The following ZMIZ1 variants were observed in gnomAD, a reference collection of about 807,000 sequenced individuals.
ZMIZ1 encodes the protein zinc finger MIZ-type containing 1, also known as zinc finger MIZ domain-containing protein 1.
In ZMIZ1, 17 loss-of-function variants were observed where a neutral mutation model predicts 113.9. The observed-to-expected ratio is 0.15, with a 90% CI of 0.10 to 0.22. The LOEUF (loss-of-function observed/expected upper bound fraction) is 0.22, where lower values mean the gene tolerates loss of function less well. Among genes scored for constraint, ZMIZ1 ranks in the 10% least tolerant of loss-of-function variants. The probability of loss-of-function intolerance (pLI) is 1.00; values close to 1 mark genes in which losing one functional copy is unlikely to be tolerated. For missense variants in ZMIZ1, 1,059 were observed against 1,477.8 expected, an observed-to-expected ratio of 0.72 and a Z score of 4.65; for synonymous variants, 607 against 603.1, an observed-to-expected ratio of 1.01 and a Z score of -0.09.
At chr10:79,243,746 CG>C in intron 7 of ZMIZ1, 1 of 263,366 alleles carries the variant, frequency 3.8e-6, no homozygotes, top group Non-Finnish European at 7.6e-6. Flanking sequence ...TAGGTAAGTG[CG>C]GGGTCGGAGG....
rs1842157482 is a variant in ZMIZ1 at position 79,069,109 on chromosome 10, G to C, written c.-498G>C. On this transcript the variant is annotated 5_prime_UTR_variant, in exon 1 of 25. Coordinates refer to ENST00000334512, the MANE Select transcript of ZMIZ1 (RefSeq NM_020338.4). This position sits in a 1 kb window ranked among gnomAD's most constrained non-coding sequence, Gnocchi z 4.6. ...TCGGGCGGCCGAGCGAGCGAGCAAC[G>C]CCGGCGCAGCGCGGTGACCCCAGCC... 6.6e-6 allele frequency: 1 copy of C among 150,444 alleles called. No individual in the cohort carries two copies. The highest frequency in any genetic ancestry group is 1.5e-5 in the Non-Finnish European group (1 of 67,242). The allele number at this position is 150,444 out of a possible 1,614,324, so 9.3% of individuals were successfully genotyped here.
intron 11 of ZMIZ1, chr10:79,292,902 G>T: frequency 2.2e-6 from 1 of 462,784 alleles, no homozygotes; most frequent in Non-Finnish European, 4.3e-6. Context: ...GGGCAGAAGT[G>T]GAAGCTGGGC....
chr10:79,069,217 C>T lies in ZMIZ1; in HGVS notation c.-390C>T, dbSNP rs76908738. ...CCTCCCGGCCCGAGCCTGCCCTACC[C>T]GGCGGTGGCGGCGGCGCGTCCTCCA... On this transcript the variant is annotated 5_prime_UTR_variant, in exon 1 of 25. Transcript: ENST00000334512. The surrounding 1 kb of genome is among the most constrained non-coding windows in gnomAD (Gnocchi z 4.6). 0.068 allele frequency: 10,240 copies of T among 150,308 alleles called. 673 individuals are homozygous for T. Among genetic ancestry groups the T allele is most frequent in the East Asian group, 0.3 (1,521 of 5,066 alleles). The allele number at this position is 150,308 out of a possible 1,614,324, so 9.3% of individuals were successfully genotyped here.
chr10:79,253,887 C>T lies in ZMIZ1; in HGVS notation c.281-23294C>T, dbSNP rs532956889. Among the ~76,000 whole-genome samples, 297 of 152,276 alleles carry T rather than the reference C, an allele frequency of 2.0e-3. 1 individual carries two copies. Among genetic ancestry groups the T allele is most frequent in the African/African-American group, 6.7e-3 (280 of 41,526 alleles). ...ACACACAGGTACATGCACACACACACACACATGCTGACACGCACACTCACA... is the reference window on the plus strand; with the variant it reads ...ACACACAGGTACATGCACACACACATACACATGCTGACACGCACACTCACA... On this transcript the variant is annotated intron_variant, in intron 7 of 24. Coordinates refer to ENST00000334512, the MANE Select transcript of ZMIZ1 (RefSeq NM_020338.4).
intron 1 of ZMIZ1, among the ~76,000 whole-genome samples, chr10:79,110,739 C>T (rs1843708689): frequency 6.6e-6 from 1 of 152,238 alleles, no homozygotes; most frequent in Admixed American, 6.5e-5. Flanking sequence ...CACAGGGGAA[C>T]ATGATGTCTT....
At chr10:79,243,950 G>A (rs1387805739) in intron 7 of ZMIZ1, among the ~76,000 whole-genome samples, 1 of 152,248 alleles carries the variant, frequency 6.6e-6, no homozygotes, top group Non-Finnish European at 1.5e-5. Flanking sequence ...GCCCACAGAC[G>A]GGGCCTTCAT....
chr10:79,312,914 A>AG lies in ZMIZ1; in HGVS notation c.*168dup. The stretch of plus-strand genomic sequence containing the variant: ...TGCAGCCCTCTCAGAACAGAGGGGT[A>AG]GGGAGGGTGCACCAGTGCACCAGGA... On this transcript the variant is annotated 3_prime_UTR_variant, in exon 25 of 25. Transcript: ENST00000334512. 1.6e-6 allele frequency: 1 copy of AG among 633,986 alleles called. No homozygotes were observed. The highest frequency in any genetic ancestry group is 1.9e-5 in the South Asian group (1 of 53,010). 39.3% of individuals were successfully genotyped at this position (633,986 alleles called of 1,614,324 possible). A position where few individuals can be genotyped will look rare whatever the true frequency, so the allele number is the denominator to read the frequency against.
intron 4 of ZMIZ1, among the ~76,000 whole-genome samples, chr10:79,180,246 C>A (rs1265350229): frequency 6.6e-6 from 1 of 152,148 alleles, no homozygotes; most frequent in African/African-American, 2.4e-5. Flanking sequence ...CAAGCACACC[C>A]GTGACCAGGG....
intron 2 of ZMIZ1, among the ~76,000 whole-genome samples, chr10:79,124,941 G>T (rs1844449628): frequency 6.6e-6 from 1 of 152,232 alleles, no homozygotes; most frequent in African/African-American, 2.4e-5. Context: ...CACCTCCTTT[G>T]TGAGAGCTAG....
At chr10:79,269,544 G>A (rs1851823422) in intron 7 of ZMIZ1, among the ~76,000 whole-genome samples, 1 of 151,276 alleles carries the variant, frequency 6.6e-6, no homozygotes, top group African/African-American at 2.4e-5. Context: ...TGATACTTAG[G>A]CCTTTGTTTC....
intron 6 of ZMIZ1, among the ~76,000 whole-genome samples, chr10:79,212,343 A>AT (rs1428554031): frequency 5.3e-5 from 8 of 151,382 alleles, no homozygotes; most frequent in Non-Finnish European, 7.4e-5. Flanking sequence ...TTTTTTTTTA[A>AT]TTTTTTTCTT....
chr10:79,289,957 A>G (rs2132024445), intron 9 of ZMIZ1, 68 bp downstream of exon 9: 2 of 1,467,780 alleles, frequency 1.4e-6, no homozygotes, highest in African/African-American at 1.4e-5. Flanking sequence ...CCCTGGAGCC[A>G]TACCAGCCCT....
In ZMIZ1 at chr10:79,157,329, G is replaced by A. The variant is rs566068454; in HGVS notation, c.-130-4724G>A. Among the ~76,000 whole-genome samples, 13 of 151,928 alleles carry A rather than the reference G, an allele frequency of 8.6e-5. No individual in the cohort carries two copies. The East Asian group carries it at 1.4e-3, about 16-fold the overall frequency. ...CCTGGCAGGTGGGAGAATCTACCAC[G>A]TTTGAGCAGGTTGAATGGTTCTCTC... is the stretch of plus-strand genomic sequence containing the variant. On this transcript the variant is annotated intron_variant, in intron 3 of 24. Transcript: ENST00000334512.
At chr10:79,259,954 C>T (rs558363643) in intron 7 of ZMIZ1, among the ~76,000 whole-genome samples, 1 of 152,184 alleles carries the variant, frequency 6.6e-6, no homozygotes, top group East Asian at 1.9e-4. Flanking sequence ...TTTGCTCCCC[C>T]TCTCTCCACT....
intron 12 of ZMIZ1, chr10:79,294,509 A>T (rs893547298): frequency 1.3e-5 from 2 of 152,266 alleles, no homozygotes; most frequent in Non-Finnish European, 2.9e-5. Context: ...ACAGAACTCA[A>T]TATGAGTCAG....
At chr10:79,126,808 G>C (rs1469104465) in intron 2 of ZMIZ1, among the ~76,000 whole-genome samples, 2 of 152,196 alleles carry the variant, frequency 1.3e-5, no homozygotes, top group African/African-American at 4.8e-5. Flanking sequence ...CGCTTCTGGA[G>C]GCTTTGAGCT....
chr10:79,122,406 A>G (rs935540965), intron 2 of ZMIZ1, among the ~76,000 whole-genome samples: 4 of 151,894 alleles, frequency 2.6e-5, no homozygotes, highest in African/African-American at 9.7e-5. Flanking sequence ...GCCCCTGTCT[A>G]CCTTGGTGGC....
chr10:79,267,912 C>T (rs547333151), intron 7 of ZMIZ1, among the ~76,000 whole-genome samples: 136 of 152,324 alleles, frequency 8.9e-4, no homozygotes, highest in South Asian at 4.1e-4. Flanking sequence ...TGCACTCTCC[C>T]GCCCCTCCCA....
chr10:79,215,409 T>TC (rs1261997494), intron 6 of ZMIZ1, among the ~76,000 whole-genome samples: 5 of 152,034 alleles, frequency 3.3e-5, no homozygotes, highest in Admixed American at 6.5e-5. Context: ...AAGCGATTCT[T>TC]CTGCCTCAGC....
Sources: allele counts gnomAD v4.1 joint callset (sites outside exome capture counted in the v4.1 genomes callset), GRCh38; gene constraint gnomAD v4.1.1; non-coding constraint Gnocchi (gnomAD v3.1); transcripts MANE v1.5; gene names NCBI Gene and HGNC (gene_info 2026-07-23, HGNC 2026-07-21).